AKT3: variants seen among roughly 807,000 people sequenced by gnomAD.
The protein encoded by AKT3 is AKT serine/threonine kinase 3, also known as RAC-gamma serine/threonine-protein kinase.
In AKT3, 15 loss-of-function variants were observed where a neutral mutation model predicts 65.3. That is an observed-to-expected ratio of 0.23 (90% CI 0.15 to 0.35). The LOEUF is 0.35. Among genes scored for constraint, AKT3 ranks in the 10% least tolerant of loss-of-function variants. The probability of loss-of-function intolerance (pLI) is 1.00; values close to 1 mark genes in which losing one functional copy is unlikely to be tolerated. For missense variants in AKT3, 243 were observed against 576.5 expected (o/e 0.42, Z 5.92); for synonymous variants, 206 against 183.8 (o/e 1.12, Z -0.98).
chr1:243,688,491 G>C (rs992774902), intron 3 of AKT3, among the ~76,000 whole-genome samples: 1 of 152,094 alleles, frequency 6.6e-6, no homozygotes, highest in Non-Finnish European at 1.5e-5. Context: ...TTTTGGAGAT[G>C]AATCTATTTT....
In AKT3 at chr1:243,690,533, C is replaced by G. The variant is rs894909923; in HGVS notation, c.172+5058G>C. Among the ~76,000 whole-genome samples, 39 of 152,256 alleles carry G rather than the reference C, an allele frequency of 2.6e-4. 1 individual carries two copies. The highest frequency in any genetic ancestry group is 2.4e-3 in the Admixed American group (36 of 15,284). On this transcript the variant is annotated intron_variant, in intron 3 of 13. Coordinates refer to ENST00000673466, the MANE Select transcript of AKT3 (RefSeq NM_005465.7). ...TATTTTTACTTACATTTCTACAGCA[C>G]TACATTGGCACCTATATATTAATAG...
At chr1:243,516,021 C>G (rs1230677400) in intron 12 of AKT3, among the ~76,000 whole-genome samples, 2 of 152,042 alleles carry the variant, frequency 1.3e-5, no homozygotes, top group Non-Finnish European at 2.9e-5. Context: ...AAGTTAATAC[C>G]TGCCTCACAG....
chr1:243,786,594 T>C (rs1691276883), intron 2 of AKT3, among the ~76,000 whole-genome samples: 1 of 152,148 alleles, frequency 6.6e-6, no homozygotes, highest in South Asian at 2.1e-4. Flanking sequence ...CTACTAACAA[T>C]TAAGAGCTCT....
chr1:243,775,174 ATTTGTTTG>A (rs796290279), intron 2 of AKT3, among the ~76,000 whole-genome samples: 3 of 151,410 alleles, frequency 2.0e-5, no homozygotes, highest in East Asian at 2.0e-4. Flanking sequence ...TGTTCCTATT[ATTTGTTTG>A]TTTGTTTGTT....
At chr1:243,627,215 CAG>C (rs1354104378) in intron 6 of AKT3, among the ~76,000 whole-genome samples, 4 of 152,036 alleles carry the variant, frequency 2.6e-5, no homozygotes, top group Non-Finnish European at 5.9e-5. Context: ...CATACTCAGC[CAG>C]ACATAGTGGC....
chr1:243,662,643 A>G (rs1005367134), intron 4 of AKT3, among the ~76,000 whole-genome samples: 2 of 151,876 alleles, frequency 1.3e-5, no homozygotes, highest in East Asian at 3.9e-4. Context: ...CCAGCATGGC[A>G]CATGTATACA....
At chr1:243,712,292 A>C (rs1686213532) in intron 2 of AKT3, among the ~76,000 whole-genome samples, 1 of 152,236 alleles carries the variant, frequency 6.6e-6, no homozygotes. Flanking sequence ...CTTGAGTAAA[A>C]ACTGACGGTG....
rs2148345510 is a variant in AKT3, at chr1:243,505,302, C to T, written c.1387G>A (p.Glu463Lys). The T allele has an allele frequency of 6.2e-7, 1 of 1,614,186 alleles. No individual in the cohort carries two copies. Among genetic ancestry groups the T allele is most frequent in the Non-Finnish European group, 8.5e-7 (1 of 1,180,032 alleles). The change falls in exon 14 of 14, where the codon GAG (glutamate) becomes AAG (lysine). Residue 463 changes from glutamate to lysine, a missense_variant. Physicochemically the swap from Glu to Lys is moderately conservative, Grantham distance 56. Coordinates refer to ENST00000673466, the MANE Select transcript of AKT3 (RefSeq NM_005465.7). Reference protein sequence around the residue: ...DEDGMDCMDNERRPHFPQFSY... With the variant: ...DEDGMDCMDNKRRPHFPQFSY... ...AATTGAGGGAAATGCGGCCGCCTCT[C>T]ATTGTCCATGCAGTCCATACCATCC...
chr1:243,495,250 C>T (rs892244965), downstream of AKT3, among the ~76,000 whole-genome samples: 1 of 152,228 alleles, frequency 6.6e-6, no homozygotes, highest in Non-Finnish European at 1.5e-5. Flanking sequence ...TGCGGGGCCG[C>T]CTCCCTCTCC....
chr1:243,831,986 A>G (rs1027206175), intron 2 of AKT3, among the ~76,000 whole-genome samples: 2 of 152,054 alleles, frequency 1.3e-5, no homozygotes, highest in East Asian at 1.9e-4. Flanking sequence ...ATGAATGGAT[A>G]TAAGACTAGA....
chr1:243,759,782 G>A (rs1242090218), intron 2 of AKT3, among the ~76,000 whole-genome samples: 1 of 152,090 alleles, frequency 6.6e-6, no homozygotes, highest in Admixed American at 6.6e-5. Flanking sequence ...CACAAGGCAG[G>A]AGAAATTAAA....
intron 6 of AKT3, among the ~76,000 whole-genome samples, chr1:243,620,470 G>A (rs1678653740): frequency 6.6e-6 from 1 of 151,634 alleles, no homozygotes; most frequent in African/African-American, 2.4e-5. Context: ...GATTACCAGT[G>A]ATTATTATTT....
chr1:243,801,171 A>T (rs887626716), intron 2 of AKT3, among the ~76,000 whole-genome samples: 6 of 152,206 alleles, frequency 3.9e-5, no homozygotes, highest in African/African-American at 1.4e-4. Flanking sequence ...AAGGTATGTT[A>T]TCTATGTTAT....
intron 4 of AKT3, among the ~76,000 whole-genome samples, chr1:243,657,771 T>C (rs376476960): frequency 6.6e-6 from 1 of 152,190 alleles, no homozygotes; most frequent in South Asian, 2.1e-4. Flanking sequence ...TTAAAACAGA[T>C]TGGTACTGGC....
intron 2 of AKT3, among the ~76,000 whole-genome samples, chr1:243,773,631 C>T (rs1013241362): frequency 6.6e-6 from 1 of 151,188 alleles, no homozygotes; most frequent in Non-Finnish European, 1.5e-5. Flanking sequence ...TCGCCCCCCA[C>T]AAAAAAAAGT....
intron 8 of AKT3, among the ~76,000 whole-genome samples, chr1:243,575,556 T>C (rs1674878447): frequency 6.6e-6 from 1 of 152,140 alleles, no homozygotes; most frequent in African/African-American, 2.4e-5. Context: ...TTAAGCAATA[T>C]GAATGAAGAG....
intron 12 of AKT3, among the ~76,000 whole-genome samples, chr1:243,526,777 GTTAAAAAAA>G (rs1558588894): frequency 5.8e-4 from 1 of 1,716 alleles, no homozygotes; most frequent in Non-Finnish European, 1.3e-3. Flanking sequence ...ACAAAAAATG[GTTAAAAAAA>G]AAAAAAAAAA....
intron 8 of AKT3, among the ~76,000 whole-genome samples, chr1:243,581,019 T>C (rs2085555): frequency 0.53 from 80,219 of 151,986 alleles, 24,364 homozygotes; most frequent in Non-Finnish European, 0.68. Flanking sequence ...CTCCATGCTC[T>C]AGGCATCTTG....
intron 3 of AKT3, among the ~76,000 whole-genome samples, chr1:243,690,673 G>A (rs1389949700): frequency 6.6e-6 from 1 of 151,534 alleles, no homozygotes; most frequent in Non-Finnish European, 1.5e-5. Context: ...TTTAAGTGCT[G>A]GAAATGGGGC....
Sources: allele counts gnomAD v4.1 joint callset (sites outside exome capture counted in the v4.1 genomes callset), GRCh38; gene constraint gnomAD v4.1.1; transcripts MANE v1.5; gene names NCBI Gene and HGNC (gene_info 2026-07-23, HGNC 2026-07-21).